MIPOL1: variants seen among roughly 807,000 people sequenced by gnomAD.
MIPOL1 encodes mirror-image polydactyly 1, also known as mirror-image polydactyly gene 1 protein.
A neutral mutation model predicts 60.9 loss-of-function variants in MIPOL1; 57 were observed. That is an observed-to-expected ratio of 0.94 (90% CI 0.76 to 1.17). The LOEUF (loss-of-function observed/expected upper bound fraction) is 1.17. Among genes scored for constraint, MIPOL1 ranks in the 50% most tolerant of loss-of-function variants. The pLI is 0.00. For synonymous variants in MIPOL1, 179 were observed against 168.8 expected (o/e 1.06, Z -0.47); for missense variants, 551 against 511.6 (o/e 1.08, Z -0.74).
intron 11 of MIPOL1, among the ~76,000 whole-genome samples, chr14:37,486,474 T>C (rs576112447): frequency 6.8e-4 from 103 of 152,322 alleles, no homozygotes; most frequent in Non-Finnish European, 1.3e-3. Flanking sequence ...CATGGAATGT[T>C]TTTCCATTTA....
intron 11 of MIPOL1, among the ~76,000 whole-genome samples, chr14:37,449,840 T>G (rs919759121): frequency 3.3e-5 from 5 of 151,996 alleles, no homozygotes; most frequent in Admixed American, 6.6e-5. Flanking sequence ...TGAGACAGAG[T>G]GTCACTCTGT....
chr14:37,248,232 A>G (rs1256439060), intron 3 of MIPOL1, among the ~76,000 whole-genome samples: 1 of 152,042 alleles, frequency 6.6e-6, no homozygotes, highest in African/African-American at 2.4e-5. Flanking sequence ...AGGAGACAGA[A>G]TGACTGTGAC....
At chr14:37,264,119 T>G (rs1319533519) in intron 3 of MIPOL1, among the ~76,000 whole-genome samples, 1 of 152,086 alleles carries the variant, frequency 6.6e-6, no homozygotes, top group Non-Finnish European at 1.5e-5. Flanking sequence ...GCTGGAGAGT[T>G]TAGGGAAAAT....
intron 10 of MIPOL1, among the ~76,000 whole-genome samples, chr14:37,389,431 A>T (rs2093171652): frequency 6.6e-6 from 1 of 152,062 alleles, no homozygotes; most frequent in Non-Finnish European, 1.5e-5. Context: ...ACCTAATCAC[A>T]TGATTGATAT....
At chr14:37,205,448 G>C (rs1352498977) in intron 1 of MIPOL1, among the ~76,000 whole-genome samples, 1 of 151,976 alleles carries the variant, frequency 6.6e-6, no homozygotes, top group African/African-American at 2.4e-5. Context: ...GAGGTGACAT[G>C]GCTGCTGTTA....
rs2095559055 is a variant in MIPOL1 at position 37,550,470 on chromosome 14, A to G, written c.*3499A>G. ...TGTGTTGTTGGTAACTAGTATTTACAGCTAACCTATCTATTCATATTTTAC... is the reference window on the plus strand; with the variant it reads ...TGTGTTGTTGGTAACTAGTATTTACGGCTAACCTATCTATTCATATTTTAC... On this transcript the variant is annotated 3_prime_UTR_variant, in exon 13 of 13. Coordinates refer to ENST00000684589, the MANE Select transcript of MIPOL1 (RefSeq NM_001388067.1). 1 of 150,790 alleles carries G rather than the reference A, an allele frequency of 6.6e-6. No individual in the cohort carries two copies. The highest frequency in any genetic ancestry group is 2.4e-5 in the African/African-American group (1 of 41,048). 9.3% of individuals were successfully genotyped at this position (150,790 alleles called of 1,614,324 possible). A position where few individuals can be genotyped will look rare whatever the true frequency, so the allele number is the denominator to read the frequency against.
intron 9 of MIPOL1, among the ~76,000 whole-genome samples, chr14:37,368,493 A>C (rs1178994578): frequency 1.3e-5 from 2 of 152,096 alleles, no homozygotes; most frequent in Non-Finnish European, 2.9e-5. Context: ...ATGATTTTTT[A>C]TTCATCTATT....
At chr14:37,392,452 T>C (rs1019075241) in intron 10 of MIPOL1, among the ~76,000 whole-genome samples, 3 of 152,204 alleles carry the variant, frequency 2.0e-5, no homozygotes, top group Non-Finnish European at 1.5e-5. Flanking sequence ...GGATTTTCAA[T>C]GTAATCATGT....
chr14:37,378,897 C>G (rs2092849278), intron 10 of MIPOL1, among the ~76,000 whole-genome samples: 1 of 152,056 alleles, frequency 6.6e-6, no homozygotes, highest in African/African-American at 2.4e-5. Flanking sequence ...ATCCTATTTA[C>G]TACTTAAGCC....
At chr14:37,475,634 A>G (rs1408734201) in intron 11 of MIPOL1, among the ~76,000 whole-genome samples, 1 of 151,854 alleles carries the variant, frequency 6.6e-6, no homozygotes, top group Non-Finnish European at 1.5e-5. Flanking sequence ...TCATTTTTTC[A>G]TGTGGATATC....
At chr14:37,283,603 G>A (rs892210567) in intron 6 of MIPOL1, among the ~76,000 whole-genome samples, 2 of 152,090 alleles carry the variant, frequency 1.3e-5, no homozygotes, top group African/African-American at 4.8e-5. Context: ...ATATGTCTAG[G>A]AGTTAAGTCA....
chr14:37,373,480 T>C (rs2092696102), intron 10 of MIPOL1, among the ~76,000 whole-genome samples: 1 of 151,934 alleles, frequency 6.6e-6, no homozygotes, highest in Non-Finnish European at 1.5e-5. Flanking sequence ...ACACATGCCA[T>C]GGTGGCTTGC....
intron 9 of MIPOL1, among the ~76,000 whole-genome samples, chr14:37,319,046 G>T (rs764481850): frequency 1.3e-5 from 2 of 151,982 alleles, no homozygotes; most frequent in African/African-American, 2.4e-5. Flanking sequence ...TCACCATGTT[G>T]CCCAGGCTGG....
Position 37,215,690 on chromosome 14 carries a change from A to G in MIPOL1, c.-199+17586A>G, listed in dbSNP as rs192368943. 2.0e-3 allele frequency among the ~76,000 whole-genome samples: 308 copies of G among 152,298 alleles called. 1 individual carries two copies. The highest frequency in any genetic ancestry group is 7.3e-3 in the African/African-American group (303 of 41,568). On this transcript the variant is annotated intron_variant, in intron 1 of 12. Transcript: ENST00000684589. ...AAACTCTCCAGTCAGAAGACATAGC[A>G]TGGCTGAATTGATGAAAAAACAAGA...
At chr14:37,297,314 A>G (rs1325353485) in intron 7 of MIPOL1, among the ~76,000 whole-genome samples, 1 of 152,216 alleles carries the variant, frequency 6.6e-6, no homozygotes, top group South Asian at 2.1e-4. Context: ...TCAAAATAAT[A>G]AGAGCTATGT....
intron 9 of MIPOL1, among the ~76,000 whole-genome samples, chr14:37,345,998 G>T (rs1261075412): frequency 6.6e-6 from 1 of 152,038 alleles, no homozygotes; most frequent in Non-Finnish European, 1.5e-5. Context: ...CATTTGTCCT[G>T]TCTCTTTTTA....
intron 9 of MIPOL1, among the ~76,000 whole-genome samples, chr14:37,344,928 G>A (rs1446004216): frequency 4.6e-5 from 7 of 151,176 alleles, no homozygotes; most frequent in Non-Finnish European, 8.8e-5. Context: ...TATTCCAGAG[G>A]CTGAAACAAG....
chr14:37,530,288 T>C (rs181436050), intron 12 of MIPOL1, among the ~76,000 whole-genome samples: 2 of 152,320 alleles, frequency 1.3e-5, no homozygotes, highest in East Asian at 3.9e-4. Context: ...TAAGAACTAA[T>C]TTCATTTTCT....
At chr14:37,430,205 A>AT (rs1176011695) in intron 11 of MIPOL1, among the ~76,000 whole-genome samples, 13 of 151,570 alleles carry the variant, frequency 8.6e-5, no homozygotes, top group South Asian at 6.2e-4. Context: ...CATTAATCAG[A>AT]TTTTTTTTTG....
Sources: allele counts gnomAD v4.1 joint callset (sites outside exome capture counted in the v4.1 genomes callset), GRCh38; gene constraint gnomAD v4.1.1; transcripts MANE v1.5; gene names NCBI Gene and HGNC (gene_info 2026-07-23, HGNC 2026-07-21).